The following ADAMTSL3 variants were observed in gnomAD, a reference collection of about 807,000 sequenced individuals.
ADAMTSL3 encodes ADAMTS like 3, also known as ADAMTS-like protein 3.
A neutral mutation model predicts 201.7 loss-of-function variants in ADAMTSL3; 128 were observed. The ratio of observed to expected loss-of-function variants is 0.63; its 90% CI spans 0.55 to 0.73. The LOEUF (loss-of-function observed/expected upper bound fraction) is 0.73, where lower values mean the gene tolerates loss of function less well. Ranked by LOEUF, ADAMTSL3 falls within the 30% of genes least tolerant of loss-of-function variation. ADAMTSL3 has a pLI of 0.00. For missense variants in ADAMTSL3, 1,990 were observed against 2,119.6 expected (o/e 0.94, Z 1.20); for synonymous variants, 738 against 748.4 (o/e 0.99, Z 0.23).
chr15:83,801,773 T>C (rs1310681121), intron 4 of ADAMTSL3, among the ~76,000 whole-genome samples: 2 of 144,830 alleles, frequency 1.4e-5, no homozygotes, highest in Non-Finnish European at 3.0e-5. Flanking sequence ...CTCAGAATTA[T>C]AGGCATTTAT....
At chr15:83,761,206 T>C (rs2062803699) in intron 3 of ADAMTSL3, among the ~76,000 whole-genome samples, 2 of 152,128 alleles carry the variant, frequency 1.3e-5, no homozygotes, top group Admixed American at 6.5e-5. Flanking sequence ...AATTGGTTCT[T>C]TTATCTTCTT....
Position 83,724,714 on chromosome 15 carries a change from C to T in ADAMTSL3, c.189+20206C>T, listed in dbSNP as rs145967287. Among the ~76,000 whole-genome samples the T allele has an allele frequency of 2.8e-3, 428 of 152,026 alleles. 1 individual carries two copies. The highest frequency in any genetic ancestry group is 4.2e-3 in the Non-Finnish European group (285 of 67,992). On this transcript the variant is annotated intron_variant, in intron 3 of 29. Transcript: ENST00000286744. ...CCCCACCGCCACTATCCTTCCTAGC[C>T]ACTGGTGACCACCATTCTACTGTGT...
intron 4 of ADAMTSL3, among the ~76,000 whole-genome samples, chr15:83,789,778 AC>A (rs1056782674): frequency 7.2e-5 from 11 of 152,124 alleles, no homozygotes; most frequent in Admixed American, 2.0e-4. Flanking sequence ...TTACTGTTTT[AC>A]CCTCTTTAGA....
chr15:83,880,873 C>A (rs1173249541), intron 9 of ADAMTSL3, among the ~76,000 whole-genome samples: 1 of 152,120 alleles, frequency 6.6e-6, no homozygotes, highest in East Asian at 1.9e-4. Flanking sequence ...CAGTTAATAC[C>A]AATATCTGGA....
At chr15:83,929,679 A>T (rs954408515) in intron 17 of ADAMTSL3, among the ~76,000 whole-genome samples, 1 of 100,608 alleles carries the variant, frequency 9.9e-6, no homozygotes. Flanking sequence ...TGTCACCTCT[A>T]CCACACACAC....
chr15:83,812,352 G>T (rs987641374), intron 5 of ADAMTSL3, among the ~76,000 whole-genome samples: 1 of 152,146 alleles, frequency 6.6e-6, no homozygotes, highest in Non-Finnish European at 1.5e-5. Context: ...TCAGTGGTTA[G>T]TGGAGTTCAT....
chr15:83,853,482 A>G (rs1439317534), intron 7 of ADAMTSL3, among the ~76,000 whole-genome samples: 1 of 152,162 alleles, frequency 6.6e-6, no homozygotes, highest in African/African-American at 2.4e-5. Context: ...GGTGTTACAA[A>G]CATTTACTTT....
intron 10 of ADAMTSL3, 91 bp from the exon 11 acceptor site, chr15:83,890,018 A>C: frequency 7.1e-7 from 1 of 1,401,988 alleles, no homozygotes; most frequent in East Asian, 2.3e-5. Context: ...TTTCTTAAAG[A>C]GGAAAAAAAA....
At chr15:83,714,324 G>A (rs1014709751) in intron 3 of ADAMTSL3, among the ~76,000 whole-genome samples, 4 of 152,218 alleles carry the variant, frequency 2.6e-5, no homozygotes, top group Non-Finnish European at 4.4e-5. Flanking sequence ...GGGCACAGGT[G>A]TGTAGCTGTT....
At chr15:84,028,230 G>C (rs1242473297) in intron 27 of ADAMTSL3, among the ~76,000 whole-genome samples, 1 of 152,082 alleles carries the variant, frequency 6.6e-6, no homozygotes, top group Non-Finnish European at 1.5e-5. Flanking sequence ...TGTATAGTTT[G>C]TAAATTGTAT....
chr15:84,000,846 A>T (rs979847642), intron 23 of ADAMTSL3, among the ~76,000 whole-genome samples: 5 of 152,152 alleles, frequency 3.3e-5, no homozygotes, highest in Non-Finnish European at 7.3e-5. Flanking sequence ...AAAGCAGAGG[A>T]TGTGAAGGGG....
At chr15:83,748,073 A>G (rs891712273) in intron 3 of ADAMTSL3, among the ~76,000 whole-genome samples, 19 of 152,072 alleles carry the variant, frequency 1.2e-4, no homozygotes, top group Non-Finnish European at 5.9e-5. Flanking sequence ...TTCACCTCCA[A>G]TCCCATGTTT....
intron 17 of ADAMTSL3, among the ~76,000 whole-genome samples, chr15:83,934,404 ACC>A (rs2066423148): frequency 6.6e-6 from 1 of 152,128 alleles, no homozygotes; most frequent in Non-Finnish European, 1.5e-5. Context: ...CAATGCCTGT[ACC>A]CCCATTATAT....
intron 3 of ADAMTSL3, among the ~76,000 whole-genome samples, chr15:83,737,411 C>G (rs2062384863): frequency 6.6e-6 from 1 of 152,134 alleles, no homozygotes; most frequent in Admixed American, 6.6e-5. Flanking sequence ...TTCCCCCATG[C>G]TGGTCTCATG....
intron 19 of ADAMTSL3, among the ~76,000 whole-genome samples, chr15:83,949,345 C>CT (rs1410740859): frequency 6.6e-6 from 1 of 152,120 alleles, no homozygotes; most frequent in Non-Finnish European, 1.5e-5. Context: ...GGATCTCATT[C>CT]TTTTTTATGG....
At chr15:83,768,907 G>A (rs888002006) in intron 3 of ADAMTSL3, among the ~76,000 whole-genome samples, 4 of 152,218 alleles carry the variant, frequency 2.6e-5, no homozygotes, top group South Asian at 2.1e-4. Flanking sequence ...TGCTGGAGAC[G>A]GCATTGGGGT....
intron 3 of ADAMTSL3, among the ~76,000 whole-genome samples, chr15:83,735,905 A>G (rs2062362909): frequency 6.6e-6 from 1 of 152,146 alleles, no homozygotes; most frequent in Non-Finnish European, 1.5e-5. Context: ...ATCTAATTAC[A>G]TGACAGAAGA....
chr15:83,690,413 T>C (rs913968988), intron 2 of ADAMTSL3, among the ~76,000 whole-genome samples: 2 of 152,164 alleles, frequency 1.3e-5, no homozygotes, highest in African/African-American at 2.4e-5. Flanking sequence ...TTCATGCAAC[T>C]TGGACTGTTG....
intron 17 of ADAMTSL3, among the ~76,000 whole-genome samples, chr15:83,928,122 T>G (rs1439987415): frequency 6.6e-6 from 1 of 152,114 alleles, no homozygotes; most frequent in African/African-American, 2.4e-5. Flanking sequence ...ATTACAGGAA[T>G]GAGCCATGTG....
Sources: allele counts gnomAD v4.1 joint callset (sites outside exome capture counted in the v4.1 genomes callset), GRCh38; gene constraint gnomAD v4.1.1; transcripts MANE v1.5; gene names NCBI Gene and HGNC (gene_info 2026-07-23, HGNC 2026-07-21).